UTRN: variants seen among roughly 807,000 people sequenced by gnomAD.
UTRN encodes utrophin, also known as dystrophin-related protein 1.
In UTRN, 283 loss-of-function variants were observed where a neutral mutation model predicts 463.9. The ratio of observed to expected loss-of-function variants is 0.61; its 90% CI spans 0.55 to 0.67. UTRN has a LOEUF of 0.67. Among genes scored for constraint, UTRN ranks in the 30% least tolerant of loss-of-function variants. UTRN has a pLI of 0.00. For synonymous variants in UTRN, 1,442 were observed against 1,431.5 expected (o/e 1.01, Z -0.17); for missense variants, 3,922 against 4,084.3 (o/e 0.96, Z 1.08).
At position 144,558,407 on chromosome 6, in the gene UTRN, C is replaced by T. The variant is rs145132470; in HGVS notation, c.7289+1096C>T. Among the ~76,000 whole-genome samples, 1,281 of 152,242 alleles carry T rather than the reference C, an allele frequency of 8.4e-3. 7 individuals are homozygous for T. Among genetic ancestry groups the T allele is most frequent in the Middle Eastern group, 0.027 (8 of 294 alleles). Reference sequence around the variant, plus strand: ...TGGTCTTTCTAACATTTTACTACAACTTTTCTCTTTTATTATAATAGGTTA... The same window carrying T: ...TGGTCTTTCTAACATTTTACTACAATTTTTCTCTTTTATTATAATAGGTTA... On this transcript the variant is annotated intron_variant, in intron 50 of 74. Transcript: ENST00000367545.
chr6:144,301,736 C>T (rs2502629), intron 2 of UTRN, among the ~76,000 whole-genome samples: 32,117 of 151,424 alleles, frequency 0.21, 4,180 homozygotes, highest in African/African-American at 0.37. Flanking sequence ...AGTTTCACCA[C>T]GTTGCCGAGG....
chr6:144,457,935 T>A (rs183324480), intron 19 of UTRN, among the ~76,000 whole-genome samples: 113 of 152,310 alleles, frequency 7.4e-4, no homozygotes, highest in African/African-American at 2.6e-3. Context: ...GAAAGATTCC[T>A]TTGAAGATTT....
chr6:144,432,936 C>T (rs1786022459), intron 9 of UTRN, among the ~76,000 whole-genome samples: 1 of 152,126 alleles, frequency 6.6e-6, no homozygotes, highest in Non-Finnish European at 1.5e-5. Context: ...GCACATCTTG[C>T]ACCGCCCTTA....
At chr6:144,765,072 T>C (rs1187147677) in intron 58 of UTRN, among the ~76,000 whole-genome samples, 2 of 152,162 alleles carry the variant, frequency 1.3e-5, no homozygotes, top group Non-Finnish European at 2.9e-5. Flanking sequence ...GGGTTCCCTA[T>C]GAATTCTGGG....
At chr6:144,391,832 A>G (rs1355189850) in intron 2 of UTRN, among the ~76,000 whole-genome samples, 2 of 152,346 alleles carry the variant, frequency 1.3e-5, no homozygotes, top group East Asian at 1.9e-4. Context: ...ACAAAAATAC[A>G]GGGTTTCACC....
intron 58 of UTRN, among the ~76,000 whole-genome samples, chr6:144,768,953 G>GTTT (rs1224806677): frequency 2.9e-5 from 3 of 105,096 alleles, no homozygotes; most frequent in African/African-American, 1.3e-4. Context: ...TTTTTGTTTT[G>GTTT]TTTTGTTTTT....
intron 53 of UTRN, among the ~76,000 whole-genome samples, chr6:144,726,115 A>C (rs1231863876): frequency 2.0e-5 from 3 of 152,204 alleles, no homozygotes; most frequent in Non-Finnish European, 2.9e-5. Flanking sequence ...GCTTTTAATG[A>C]ATCCAGGAGA....
chr6:144,762,271 C>T (rs543511590), intron 58 of UTRN, among the ~76,000 whole-genome samples: 3 of 152,316 alleles, frequency 2.0e-5, no homozygotes, highest in Admixed American at 6.5e-5. Context: ...CTATGCGGTG[C>T]TGTGTCCTGG....
chr6:144,461,394 CT>C, intron 22 of UTRN, 52 bp downstream of exon 22: 1 of 1,371,422 alleles, frequency 7.3e-7, no homozygotes, highest in Non-Finnish European at 9.5e-7. Context: ...AATATCTCCT[CT>C]TACATATTTT....
intron 51 of UTRN, among the ~76,000 whole-genome samples, chr6:144,675,864 C>T (rs1056097128): frequency 6.6e-6 from 1 of 152,112 alleles, no homozygotes; most frequent in Non-Finnish European, 1.5e-5. Context: ...TTCTGTCTGC[C>T]TAAGCAGGAG....
At chr6:144,478,160 C>T (rs1048307734) in intron 25 of UTRN, among the ~76,000 whole-genome samples, 4 of 151,930 alleles carry the variant, frequency 2.6e-5, no homozygotes, top group East Asian at 1.9e-4. Context: ...AACAAATCAA[C>T]AAACAAAGAT....
intron 68 of UTRN, 140 bp downstream of exon 68, chr6:144,827,816 G>T: frequency 9.5e-7 from 1 of 1,051,956 alleles, no homozygotes; most frequent in Non-Finnish European, 1.4e-6. Flanking sequence ...TTTGGAATTT[G>T]GGCTCTCATA....
At chr6:144,594,283 T>C (rs533926816) in intron 51 of UTRN, among the ~76,000 whole-genome samples, 1 of 152,298 alleles carries the variant, frequency 6.6e-6, no homozygotes, top group South Asian at 2.1e-4. Context: ...TTTTTTGTGC[T>C]GCCCAAGGTC....
chr6:144,569,922 A>C (rs1800781883), intron 50 of UTRN, among the ~76,000 whole-genome samples: 1 of 152,304 alleles, frequency 6.6e-6, no homozygotes, highest in Non-Finnish European at 1.5e-5. Flanking sequence ...AACCTCTAGA[A>C]GTTGGAAAAG....
In UTRN at chr6:144,554,796, A is replaced by T. The variant is rs753239973; in HGVS notation, c.7037A>T (p.Glu2346Val). 6.2e-7 allele frequency: 1 copy of T among 1,613,944 alleles called. No individual in the cohort carries two copies. The highest frequency in any genetic ancestry group is 1.3e-5 in the African/African-American group (1 of 74,910). The change falls in exon 49 of 75, where the codon GAG becomes GTG. Residue 2346 changes from glutamate to valine, a missense_variant. Physicochemically the swap from Glu to Val is moderately radical, Grantham distance 121. This residue lies in a region of UTRN where 1,309 missense variants were observed against 1,452.6 expected (regional missense o/e 0.90). Transcript: ENST00000367545. ...AGTCTTCAGTGGGATGACCATAGGG[A>T]GGAGACTGAAGAACTGATGAGAAAA... ...IDSLQWDDHR[E>V]ETEELMRKYE...
chr6:144,698,450 T>A (rs781297994), intron 52 of UTRN, among the ~76,000 whole-genome samples: 3 of 152,254 alleles, frequency 2.0e-5, no homozygotes, highest in Non-Finnish European at 2.9e-5. Context: ...CACACAGCGT[T>A]TTTTAATCAG....
At chr6:144,664,662 G>A (rs1780206268) in intron 51 of UTRN, among the ~76,000 whole-genome samples, 1 of 151,574 alleles carries the variant, frequency 6.6e-6, no homozygotes, top group African/African-American at 2.4e-5. Context: ...CACCTCTATT[G>A]TCAGTCAAAA....
rs2056744 is a variant in UTRN, at chr6:144,631,798, T to G, written c.7480-46608T>G. 0.046 allele frequency among the ~76,000 whole-genome samples: 7,056 copies of G among 152,246 alleles called. 818 individuals carry two copies. The East Asian group carries it at 0.52, about 11-fold the overall frequency. ...TTTTATAAGTTATTCCACTTGGCAT[T>G]CGGAACACAATAATGTCATACTTCA... On this transcript the variant is annotated intron_variant, in intron 51 of 74. Coordinates refer to ENST00000367545, the MANE Select transcript of UTRN (RefSeq NM_007124.3).
chr6:144,704,790 C>T (rs9390199), intron 53 of UTRN, among the ~76,000 whole-genome samples: 28,114 of 151,814 alleles, frequency 0.19, 4,029 homozygotes, highest in East Asian at 0.71. Flanking sequence ...GGTGAAACCC[C>T]GCCCCTACTA....
Sources: gnomAD v4.1 joint callset for allele counts (sites outside exome capture counted in the v4.1 genomes callset) on GRCh38, gnomAD v4.1.1 for gene constraint, gnomAD v4.1.1 regional missense constraint, MANE v1.5 for transcripts, NCBI Gene and HGNC (gene_info 2026-07-23, HGNC 2026-07-21) for gene names.